Variants in SLAMF8 observed in about 807,000 individuals in gnomAD.
SLAMF8 encodes the protein B lymphocyte activator macrophage expressed.
Under a neutral mutation model 29.0 loss-of-function variants are expected in SLAMF8, and 23 were observed. The observed-to-expected ratio is 0.79, with a 90% CI of 0.57 to 1.13. The LOEUF (loss-of-function observed/expected upper bound fraction) is 1.13. SLAMF8 is among the 50% of genes most tolerant of loss of function. The pLI is 0.00. For synonymous variants in SLAMF8, 139 were observed against 145.6 expected (o/e 0.96, Z 0.32); for missense variants, 381 against 353.1 (o/e 1.08, Z -0.63).
rs1211492408 is a variant in SLAMF8, at chr1:159,831,864, T to G, written c.368-1012T>G. Among the ~76,000 whole-genome samples, 3 of 152,264 alleles carry G rather than the reference T, an allele frequency of 2.0e-5. No homozygotes were observed. The East Asian group carries it at 5.8e-4, about 29-fold the overall frequency. On this transcript the variant is annotated intron_variant, in intron 2 of 4. Transcript: ENST00000289707. ...TCGTGTTTGGAAGCAGCTTGTCCTC[T>G]TAAGTGATGTAAATATCCCCCCTGT...
At chr1:159,834,974 C>A (rs1647802166) in intron 4 of SLAMF8, 1 of 542,052 alleles carries the variant, frequency 1.8e-6, no homozygotes, top group Admixed American at 3.4e-5. Context: ...AAATGTATGG[C>A]ATAGTTGCAG....
At chr1:159,828,927 C>T (rs1025152698) in intron 1 of SLAMF8, among the ~76,000 whole-genome samples, 1 of 152,144 alleles carries the variant, frequency 6.6e-6, no homozygotes, top group African/African-American at 2.4e-5. Flanking sequence ...GCTTTCTCAC[C>T]CCCTGTCTGT....
chr1:159,835,814 G>A lies in SLAMF8; in HGVS notation c.*554G>A. ...GGTCTAGAAATAGGTGAAAGTGAGA[G>A]GTGGGGGACAGGGGTTTCTCTTTCT... On this transcript the variant is annotated 3_prime_UTR_variant, in exon 5 of 5. Coordinates refer to ENST00000289707, the MANE Select transcript of SLAMF8 (RefSeq NM_020125.3). 1 of 985,598 alleles carries A rather than the reference G, an allele frequency of 1.0e-6. No individual in the cohort carries two copies. The highest frequency in any genetic ancestry group is 1.2e-6 in the Non-Finnish European group (1 of 830,054). The allele number at this position is 985,598 out of a possible 1,614,324, so 61.1% of individuals were successfully genotyped here.
At position 159,835,833 on chromosome 1, in the gene SLAMF8, T is replaced by G; in HGVS notation, c.*573T>G. The stretch of plus-strand genomic sequence containing the variant: ...GTGAGAGGTGGGGGACAGGGGTTTC[T>G]CTTTCTGGCCTAAGGACTTTCAGGT... On this transcript the variant is annotated 3_prime_UTR_variant, in exon 5 of 5. Transcript: ENST00000289707. The G allele has an allele frequency of 1.0e-6, 1 of 985,544 alleles. No individual in the cohort carries two copies. Among genetic ancestry groups the G allele is most frequent in the South Asian group, 4.7e-5 (1 of 21,284 alleles). The allele number at this position is 985,544 out of a possible 1,614,324, so 61.0% of individuals were successfully genotyped here.
chr1:159,831,728 G>A (rs1251598205), intron 2 of SLAMF8, among the ~76,000 whole-genome samples: 3 of 152,156 alleles, frequency 2.0e-5, no homozygotes, highest in Non-Finnish European at 4.4e-5. Context: ...CTAATTGCAC[G>A]AAGCTGCCAA....
chr1:159,834,250 G>A (rs138558840), intron 4 of SLAMF8, among the ~76,000 whole-genome samples: 67 of 152,364 alleles, frequency 4.4e-4, no homozygotes, highest in African/African-American at 1.6e-3. Flanking sequence ...TATGGTGGGT[G>A]TGTCCCAGAA....
chr1:159,837,302 G>C lies in SLAMF8; in HGVS notation c.*2042G>C, dbSNP rs971090829. The stretch of plus-strand genomic sequence containing the variant: ...ACCCTCCACCAAAAAAACACAAAGT[G>C]CTTCTGTGAGACCAATTTTGTGCTA... On this transcript the variant is annotated 3_prime_UTR_variant, in exon 5 of 5. Transcript: ENST00000289707. 7.1e-6 allele frequency: 7 copies of C among 985,348 alleles called. No individual in the cohort carries two copies. Among genetic ancestry groups the C allele is most frequent in the African/African-American group, 1.7e-5 (1 of 57,232 alleles). 61.0% of individuals were successfully genotyped at this position (985,348 alleles called of 1,614,324 possible). A position where few individuals can be genotyped will look rare whatever the true frequency, so the allele number is the denominator to read the frequency against.
chr1:159,834,612 C>A (rs1368013523), intron 4 of SLAMF8: 2 of 152,476 alleles, frequency 1.3e-5, no homozygotes, highest in Non-Finnish European at 1.5e-5. Flanking sequence ...TAAAACATTT[C>A]TATTACCTCC....
intron 1 of SLAMF8, among the ~76,000 whole-genome samples, chr1:159,828,416 G>A (rs1397065924): frequency 6.6e-6 from 1 of 152,174 alleles, no homozygotes; most frequent in African/African-American, 2.4e-5. Flanking sequence ...GTGAGGCAGA[G>A]GGGGACCGGA....
chr1:159,833,437 A>G (rs1439081372), intron 4 of SLAMF8, 68 bp downstream of exon 4: 1 of 1,605,880 alleles, frequency 6.2e-7, no homozygotes, highest in Non-Finnish European at 8.5e-7. Context: ...GGGGTCTTGG[A>G]CCTCCTCCTA....
At position 159,833,382 on chromosome 1, in the gene SLAMF8, C is replaced by A; in HGVS notation, c.781+13C>A. 2 of 1,613,962 alleles carry A rather than the reference C, an allele frequency of 1.2e-6. No individual in the cohort carries two copies. Among genetic ancestry groups the A allele is most frequent in the African/African-American group, 1.3e-5 (1 of 75,024 alleles). On this transcript the variant is annotated intron_variant, in intron 4 of 4. Transcript: ENST00000289707. ...TGCCCCTGCTCAGGTAGGAGTCCTG[C>A]AGGTGCAGGAGGTAGGTGGAGGAAG... is the stretch of plus-strand genomic sequence containing the variant.
chr1:159,827,408 T>C (rs908488087), intron 1 of SLAMF8, among the ~76,000 whole-genome samples: 1 of 152,074 alleles, frequency 6.6e-6, no homozygotes, highest in African/African-American at 2.4e-5. Context: ...CAGGCCTTTA[T>C]AAGGGGAGGC....
Position 159,836,414 on chromosome 1 carries a change from G to A in SLAMF8, c.*1154G>A, listed in dbSNP as rs1647941022. ...GAATGATTCTGTCTAGAAAAGCTCT[G>A]GAGTATTGATCACTACTGGAAAAAC... On this transcript the variant is annotated 3_prime_UTR_variant, in exon 5 of 5. Transcript: ENST00000289707. 1.0e-6 allele frequency: 1 copy of A among 985,400 alleles called. No individual in the cohort carries two copies. The highest frequency in any genetic ancestry group is 1.2e-6 in the Non-Finnish European group (1 of 829,934). The allele number at this position is 985,400 out of a possible 1,614,324, so 61.0% of individuals were successfully genotyped here.
At chr1:159,831,352 C>G (rs1337715095) in intron 2 of SLAMF8, among the ~76,000 whole-genome samples, 1 of 151,894 alleles carries the variant, frequency 6.6e-6, no homozygotes, top group Non-Finnish European at 1.5e-5. Flanking sequence ...TTGGGCGAGC[C>G]ACTCAGGGTG....
rs1308466616 is a variant in SLAMF8 at position 159,832,909 on chromosome 1, T to C, written c.401T>C (p.Ile134Thr). The change falls in exon 3 of 5, where the codon ATT (isoleucine) becomes ACT (threonine). Residue 134 changes from isoleucine to threonine, a missense_variant. Transcript: ENST00000289707. ...CCCAGGCCCGTGGTACAAGTGTTCA[T>C]TGCTGTAGAAAGGGATGCTCAGCCC... is the stretch of plus-strand genomic sequence containing the variant. Reference protein sequence around the residue: ...AVPRPVVQVFIAVERDAQPSK... With the variant: ...AVPRPVVQVFTAVERDAQPSK... 3.7e-6 allele frequency: 6 copies of C among 1,614,100 alleles called. No individual in the cohort carries two copies. The East Asian group carries it at 6.7e-5, about 18-fold the overall frequency.
chr1:159,832,236 C>T (rs1303190060), intron 2 of SLAMF8, among the ~76,000 whole-genome samples: 1 of 152,232 alleles, frequency 6.6e-6, no homozygotes, highest in Non-Finnish European at 1.5e-5. Flanking sequence ...CCCTCCTTCA[C>T]AGCATTTTGC....
At chr1:159,828,966 T>A (rs1026886262) in intron 1 of SLAMF8, among the ~76,000 whole-genome samples, 1 of 152,188 alleles carries the variant, frequency 6.6e-6, no homozygotes, top group Non-Finnish European at 1.5e-5. Flanking sequence ...TCACAGAGAA[T>A]AACATCCAGT....
Position 159,835,390 on chromosome 1 carries a change from G to C in SLAMF8, c.*130G>C. The C allele has an allele frequency of 1.4e-6, 2 of 1,426,206 alleles. No homozygotes were observed. The highest frequency in any genetic ancestry group is 3.2e-5 in the South Asian group (2 of 63,162). The allele number at this position is 1,426,206 out of a possible 1,614,324, so 88.3% of individuals were successfully genotyped here. On this transcript the variant is annotated 3_prime_UTR_variant, in exon 5 of 5. Transcript: ENST00000289707. The stretch of plus-strand genomic sequence containing the variant: ...TCCCATGGGAATCCTGTCCTGCCTC[G>C]AAGGAGCAGCCTGGGCAGCCATCAC...
chr1:159,828,996 G>A (rs1647264707), intron 1 of SLAMF8, among the ~76,000 whole-genome samples: 1 of 152,108 alleles, frequency 6.6e-6, no homozygotes, highest in South Asian at 2.1e-4. Context: ...GGACCTGGGA[G>A]CCGTCCTCGA....
Sources: allele counts gnomAD v4.1 joint callset (sites outside exome capture counted in the v4.1 genomes callset), GRCh38; gene constraint gnomAD v4.1.1; transcripts MANE v1.5; gene names NCBI Gene and HGNC (gene_info 2026-07-23, HGNC 2026-07-21).